The following GABRA2 variants were observed in gnomAD, a reference collection of about 807,000 sequenced individuals.
GABRA2 encodes the protein gamma-aminobutyric acid type A receptor subunit alpha2, also known as gamma-aminobutyric acid receptor subunit alpha-2.
A neutral mutation model predicts 48.7 loss-of-function variants in GABRA2; 16 were observed. That is an observed-to-expected ratio of 0.33 (90% CI 0.22 to 0.50). The LOEUF (loss-of-function observed/expected upper bound fraction) is 0.50, where lower values mean the gene tolerates loss of function less well. Ranked by LOEUF, GABRA2 falls within the 20% of genes least tolerant of loss-of-function variation. GABRA2 has a pLI of 0.98. For synonymous variants in GABRA2, 185 were observed against 184.5 expected (o/e 1.00, Z -0.02); for missense variants, 275 against 535.6 (o/e 0.51, Z 4.80).
intron 8 of GABRA2, among the ~76,000 whole-genome samples, chr4:46,277,620 G>A (rs1164761294): frequency 6.6e-6 from 1 of 152,124 alleles, no homozygotes. Flanking sequence ...CTTTCTGATT[G>A]TCTCTCTCTT....
At chr4:46,278,311 A>T (rs1720895875) in intron 8 of GABRA2, among the ~76,000 whole-genome samples, 1 of 152,268 alleles carries the variant, frequency 6.6e-6, no homozygotes, top group South Asian at 2.1e-4. Context: ...GGTTCCATGG[A>T]TCATCTTAGG....
intron 8 of GABRA2, among the ~76,000 whole-genome samples, chr4:46,299,442 T>C (rs1725342552): frequency 6.6e-6 from 1 of 151,902 alleles, no homozygotes; most frequent in African/African-American, 2.4e-5. Context: ...TTGGTTGCAA[T>C]TTTAACTCAC....
chr4:46,263,034 CTT>C (rs1456499521), intron 8 of GABRA2, among the ~76,000 whole-genome samples: 1 of 109,216 alleles, frequency 9.2e-6, no homozygotes, highest in East Asian at 2.5e-4. Context: ...TCCTCTGAGA[CTT>C]TTGTACAAAA....
chr4:46,276,087 C>T (rs985075249), intron 8 of GABRA2, among the ~76,000 whole-genome samples: 5 of 151,782 alleles, frequency 3.3e-5, no homozygotes, highest in Non-Finnish European at 7.4e-5. Flanking sequence ...TTACTCTTAC[C>T]AAAAATAATC....
intron 3 of GABRA2, among the ~76,000 whole-genome samples, chr4:46,362,667 A>T (rs1162011237): frequency 2.0e-5 from 3 of 152,226 alleles, no homozygotes; most frequent in Non-Finnish European, 4.4e-5. Context: ...AACCACAAAA[A>T]GCAACTAAGT....
At chr4:46,367,563 C>A (rs542332508) in intron 3 of GABRA2, 3 of 152,144 alleles carry the variant, frequency 2.0e-5, no homozygotes, top group Admixed American at 6.6e-5. Flanking sequence ...TTCCTGGGAG[C>A]TTTGGAAAAA....
chr4:46,323,346 T>C, intron 4 of GABRA2, among the ~76,000 whole-genome samples: 1 of 151,972 alleles, frequency 6.6e-6, no homozygotes, highest in East Asian at 1.9e-4. Flanking sequence ...CAATTCGTGC[T>C]AAAATACTGT....
At chr4:46,263,485 A>G (rs1394386435) in intron 8 of GABRA2, among the ~76,000 whole-genome samples, 2 of 152,058 alleles carry the variant, frequency 1.3e-5, no homozygotes, top group Non-Finnish European at 2.9e-5. Flanking sequence ...GTGAAAAAAG[A>G]CTTTTGTTTC....
chr4:46,349,186 C>T (rs867117663), intron 3 of GABRA2, among the ~76,000 whole-genome samples: 15 of 151,944 alleles, frequency 9.9e-5, no homozygotes, highest in South Asian at 6.2e-4. Flanking sequence ...CACTGGGAAG[C>T]GAAAATTTAT....
intron 3 of GABRA2, chr4:46,364,000 AC>A (rs1228301039): frequency 1.3e-5 from 2 of 152,168 alleles, no homozygotes; most frequent in Non-Finnish European, 2.9e-5. Flanking sequence ...CTTGCGGAAG[AC>A]TCAGAAATAA....
intron 3 of GABRA2, among the ~76,000 whole-genome samples, chr4:46,376,868 G>C (rs933510281): frequency 5.3e-5 from 8 of 151,892 alleles, no homozygotes; most frequent in Non-Finnish European, 1.2e-4. Context: ...TCAGCCTGCC[G>C]ACTGCCTGCG....
chr4:46,270,949 T>G (rs928716275), intron 8 of GABRA2, among the ~76,000 whole-genome samples: 5 of 150,778 alleles, frequency 3.3e-5, no homozygotes, highest in Non-Finnish European at 5.9e-5. Flanking sequence ...CTGTTGTTAC[T>G]AAGATCAAAT....
intron 8 of GABRA2, among the ~76,000 whole-genome samples, chr4:46,290,534 T>C (rs1311564856): frequency 6.6e-6 from 1 of 152,136 alleles, no homozygotes; most frequent in Non-Finnish European, 1.5e-5. Context: ...GATATTATTA[T>C]AAATGATATT....
intron 4 of GABRA2, among the ~76,000 whole-genome samples, chr4:46,322,977 TATAA>T (rs567299802): frequency 1.1e-4 from 16 of 151,860 alleles, no homozygotes; most frequent in Non-Finnish European, 1.6e-4. Flanking sequence ...TTTATAGTTA[TATAA>T]ATAGTTATAT....
intron 4 of GABRA2, 83 bp from the exon 5 acceptor site, chr4:46,312,799 T>A (rs1727874959): frequency 1.4e-6 from 1 of 709,888 alleles, no homozygotes; most frequent in African/African-American, 1.8e-5. Flanking sequence ...AATATTCTAA[T>A]TAATTTAAAC....
At chr4:46,330,817 A>G (rs1731226492) in intron 4 of GABRA2, among the ~76,000 whole-genome samples, 1 of 151,984 alleles carries the variant, frequency 6.6e-6, no homozygotes, top group Admixed American at 6.6e-5. Context: ...ATAATATGCT[A>G]ATTTCTCAAT....
chr4:46,297,043 T>A (rs1724851676), intron 8 of GABRA2, among the ~76,000 whole-genome samples: 2 of 152,150 alleles, frequency 1.3e-5, no homozygotes, highest in African/African-American at 2.4e-5. Flanking sequence ...CTATGTATGA[T>A]CTCAGGAGAT....
chr4:46,296,490 T>C (rs895157607), intron 8 of GABRA2, among the ~76,000 whole-genome samples: 1 of 151,972 alleles, frequency 6.6e-6, no homozygotes, highest in Admixed American at 6.6e-5. Context: ...TGCTCCATAG[T>C]AGAGGTAAGG....
chr4:46,367,592 T>C (rs996959091), intron 3 of GABRA2: 1 of 152,126 alleles, frequency 6.6e-6, no homozygotes, highest in Non-Finnish European at 1.5e-5. Flanking sequence ...AGCACTGCCT[T>C]CTAACACCAA....
Sources: allele counts gnomAD v4.1 joint callset (sites outside exome capture counted in the v4.1 genomes callset), GRCh38; gene constraint gnomAD v4.1.1; transcripts MANE v1.5; gene names NCBI Gene and HGNC (gene_info 2026-07-23, HGNC 2026-07-21).